PCDHGB3: variants seen among roughly 807,000 people sequenced by gnomAD.
PCDHGB3 encodes protocadherin gamma-B3.
Under a neutral mutation model 59.2 loss-of-function variants are expected in PCDHGB3, and 40 were observed. That is an observed-to-expected ratio of 0.68 (90% CI 0.52 to 0.88). The LOEUF (loss-of-function observed/expected upper bound fraction) is 0.88. Among genes scored for constraint, PCDHGB3 ranks in the 40% least tolerant of loss-of-function variants. PCDHGB3 has a pLI of 0.00. For synonymous variants in PCDHGB3, 581 were observed against 503.6 expected (o/e 1.15, Z -2.06); for missense variants, 1,309 against 1,187.9 (o/e 1.10, Z -1.50).
At chr5:141,399,146 G>C (rs758823968) in intron 1 of PCDHGB3, 1 of 1,613,792 alleles carries the variant, frequency 6.2e-7, no homozygotes, top group South Asian at 1.1e-5. Context: ...AATGACAATA[G>C]CCCAGAAGTT....
chr5:141,474,486 C>G (rs531956129), intron 1 of PCDHGB3, among the ~76,000 whole-genome samples: 11 of 152,326 alleles, frequency 7.2e-5, no homozygotes, highest in African/African-American at 2.4e-4. Context: ...TAAATGTATT[C>G]TATCTTCTAA....
Position 141,371,771 on chromosome 5 carries a change from G to T in PCDHGB3, c.1377G>T (p.Val459=). The T allele has an allele frequency of 6.2e-7, 1 of 1,613,966 alleles. No homozygotes were observed. The highest frequency in any genetic ancestry group is 8.5e-7 in the Non-Finnish European group (1 of 1,179,894). Residue 459 remains valine (V), a synonymous_variant, in exon 1 of 4, where the codon GTG becomes GTT. Transcript: ENST00000576222. ...TTTTCCACCAGGCCTCCTACACCGT[G>T]CATGTAGCTGAGAACAATCCGCCTG... ...VPVFHQASYT[V]HVAENNPPGA...
At chr5:141,374,384 C>T (rs781113576) in intron 1 of PCDHGB3, 4 of 1,613,962 alleles carry the variant, frequency 2.5e-6, no homozygotes, top group East Asian at 2.2e-5. Flanking sequence ...TCAGAGCCCG[C>T]GGTGTCTGGT....
intron 1 of PCDHGB3, among the ~76,000 whole-genome samples, chr5:141,439,406 C>T (rs2098110611): frequency 6.6e-6 from 1 of 152,190 alleles, no homozygotes; most frequent in Non-Finnish European, 1.5e-5. Flanking sequence ...CATGTGCTAA[C>T]ATCACTGAGG....
In PCDHGB3 at chr5:141,490,951, T is replaced by C. The variant is rs778168052; in HGVS notation, c.2416-3856T>C. 20 of 1,613,640 alleles carry C rather than the reference T, an allele frequency of 1.2e-5. No homozygotes were observed. Among genetic ancestry groups the C allele is most frequent in the Middle Eastern group, 1.6e-4 (1 of 6,084 alleles). On this transcript the variant is annotated intron_variant, in intron 1 of 3. Coordinates refer to ENST00000576222, the MANE Select transcript of PCDHGB3 (RefSeq NM_018924.5). This position sits in a 1 kb window ranked among gnomAD's most constrained non-coding sequence, Gnocchi z 5.4. The stretch of plus-strand genomic sequence containing the variant: ...AGCTGTGCTGCACCCACGGCCAGAC[T>C]GGGAACACTCAGCCCCCCAGCGTCT...
At chr5:141,394,742 G>A (rs752402821) in intron 1 of PCDHGB3, 5 of 1,613,300 alleles carry the variant, frequency 3.1e-6, no homozygotes, top group African/African-American at 1.3e-5. Flanking sequence ...AGAGCCTCGT[G>A]GTGGCCGTCC....
At position 141,470,884 on chromosome 5, in the gene PCDHGB3, G is replaced by T. The variant is rs2099243316; in HGVS notation, c.2416-23923G>T. 3.3e-5 allele frequency among the ~76,000 whole-genome samples: 5 copies of T among 151,648 alleles called. No individual in the cohort carries two copies. In the South Asian group the frequency reaches 1.0e-3, roughly 32 times the overall value. On this transcript the variant is annotated intron_variant, in intron 1 of 3. Coordinates refer to ENST00000576222, the MANE Select transcript of PCDHGB3 (RefSeq NM_018924.5). ...TTTGTTTGTTTGTTTTTTTGTTTTT[G>T]TTTTTGTTTTTTGTAGAGATGGGAC...
intron 1 of PCDHGB3, chr5:141,394,742 G>T: frequency 1.2e-6 from 2 of 1,613,420 alleles, no homozygotes; most frequent in Non-Finnish European, 1.7e-6. Flanking sequence ...AGAGCCTCGT[G>T]GTGGCCGTCC....
Position 141,485,778 on chromosome 5 carries a change from G to T in PCDHGB3, c.2416-9029G>T. The T allele has an allele frequency of 6.2e-7, 1 of 1,614,216 alleles. No individual in the cohort carries two copies. Among genetic ancestry groups the T allele is most frequent in the Admixed American group, 1.7e-5 (1 of 60,028 alleles). ...CTGCTCCTGGAGAAGCCTTTGGATC[G>T]AGAGAAGCAATCGGACTACCGCCTG... is the stretch of plus-strand genomic sequence containing the variant. On this transcript the variant is annotated intron_variant, in intron 1 of 3. Coordinates refer to ENST00000576222, the MANE Select transcript of PCDHGB3 (RefSeq NM_018924.5). The surrounding 1 kb of genome is among the most constrained non-coding windows in gnomAD (Gnocchi z 5.7).
At chr5:141,450,627 C>G (rs947866993) in intron 1 of PCDHGB3, among the ~76,000 whole-genome samples, 1 of 151,592 alleles carries the variant, frequency 6.6e-6, no homozygotes, top group African/African-American at 2.4e-5. Context: ...GCTGGGATTA[C>G]AGATGCCTGC....
chr5:141,432,601 G>C lies in PCDHGB3; in HGVS notation c.2415+59792G>C. The C allele has an allele frequency of 6.2e-7, 1 of 1,613,952 alleles. No homozygotes were observed. The highest frequency in any genetic ancestry group is 8.5e-7 in the Non-Finnish European group (1 of 1,179,984). On this transcript the variant is annotated intron_variant, in intron 1 of 3. Coordinates refer to ENST00000576222, the MANE Select transcript of PCDHGB3 (RefSeq NM_018924.5). The surrounding 1 kb of genome is among the most constrained non-coding windows in gnomAD (Gnocchi z 6.0). ...ACCGTCTGCTCAAGGCCAGCGAGCC[G>C]GGACTCTTCTCGGTGGGTCTGCACA...
intron 1 of PCDHGB3, chr5:141,404,584 C>T: frequency 6.2e-7 from 1 of 1,613,980 alleles, no homozygotes; most frequent in Non-Finnish European, 8.5e-7. Flanking sequence ...CACTTAGCAG[C>T]AATGTGTCAT....
Position 141,476,373 on chromosome 5 carries a change from T to C in PCDHGB3, c.2416-18434T>C. 1 of 1,614,054 alleles carries C rather than the reference T, an allele frequency of 6.2e-7. No individual in the cohort carries two copies. Among genetic ancestry groups the C allele is most frequent in the Non-Finnish European group, 8.5e-7 (1 of 1,180,020 alleles). On this transcript the variant is annotated intron_variant, in intron 1 of 3. Transcript: ENST00000576222. This position sits in a 1 kb window ranked among gnomAD's most constrained non-coding sequence, Gnocchi z 7.6. ...GAGGTGAACCGGGAGACCGGAGAGA[T>C]GTTTGTGAACGACCGTCTGGATCGA...
At chr5:141,427,164 C>T (rs1171285271) in intron 1 of PCDHGB3, 1 of 456,682 alleles carries the variant, frequency 2.2e-6, no homozygotes, top group Non-Finnish European at 4.4e-6. Context: ...TGTGCTAGAC[C>T]ATCAAAATGG....
In PCDHGB3 at chr5:141,450,826, A is replaced by AT. The variant is rs764729742; in HGVS notation, c.2416-43979dup. On this transcript the variant is annotated intron_variant, in intron 1 of 3. Coordinates refer to ENST00000576222, the MANE Select transcript of PCDHGB3 (RefSeq NM_018924.5). ...TATTTATTTATTTAATATTATTATT[A>AT]TTATTTTTTTTTTTTTGAGATGGGG... Among the ~76,000 whole-genome samples, 613 of 134,334 alleles carry AT rather than the reference A, an allele frequency of 4.6e-3. 5 individuals are homozygous for AT. Among genetic ancestry groups the AT allele is most frequent in the African/African-American group, 9.0e-3 (309 of 34,288 alleles). 88.1% of individuals were successfully genotyped at this position (134,334 alleles called of 152,430 possible).
intron 1 of PCDHGB3, among the ~76,000 whole-genome samples, chr5:141,457,926 GGGCTTTTATT>G (rs1398565105): frequency 6.6e-6 from 1 of 151,120 alleles, no homozygotes; most frequent in Non-Finnish European, 1.5e-5. Context: ...TCTCCCCAAG[GGGCTTTTATT>G]GGCTCTGCAT....
intron 1 of PCDHGB3, chr5:141,418,890 G>A (rs1449142412): frequency 1.9e-6 from 3 of 1,613,934 alleles, no homozygotes; most frequent in Non-Finnish European, 2.5e-6. Flanking sequence ...AACGACAACA[G>A]CCCAGAAATA....
chr5:141,384,703 G>C lies in PCDHGB3; in HGVS notation c.2415+11894G>C, dbSNP rs776947081. ...GGTGGACAAAGATTCAGGCCAGAAC[G>C]CCTGGCTGTCATACCTCCTGCTTAA... On this transcript the variant is annotated intron_variant, in intron 1 of 3. Transcript: ENST00000576222. 2 of 1,613,982 alleles carry C rather than the reference G, an allele frequency of 1.2e-6. No individual in the cohort carries two copies. Among genetic ancestry groups the C allele is most frequent in the African/African-American group, 1.3e-5 (1 of 74,932 alleles).
In PCDHGB3 at chr5:141,473,538, T is replaced by C. The variant is rs544537855; in HGVS notation, c.2416-21269T>C. Among the ~76,000 whole-genome samples, 58 of 152,328 alleles carry C rather than the reference T, an allele frequency of 3.8e-4. 1 individual carries two copies. Among genetic ancestry groups the C allele is most frequent in the African/African-American group, 1.3e-3 (55 of 41,576 alleles). Reference sequence around the variant, plus strand: ...AAGGATCCTGGTTTTAACTGGGGCCTAATGGAAGACCTCTATTAGGAAATA... The same window carrying C: ...AAGGATCCTGGTTTTAACTGGGGCCCAATGGAAGACCTCTATTAGGAAATA... On this transcript the variant is annotated intron_variant, in intron 1 of 3. Coordinates refer to ENST00000576222, the MANE Select transcript of PCDHGB3 (RefSeq NM_018924.5).
Sources: allele counts gnomAD v4.1 joint callset (sites outside exome capture counted in the v4.1 genomes callset), GRCh38; gene constraint gnomAD v4.1.1; non-coding constraint Gnocchi (gnomAD v3.1); transcripts MANE v1.5; gene names NCBI Gene and HGNC (gene_info 2026-07-23, HGNC 2026-07-21).